DIRAS2: variants seen among roughly 807,000 people sequenced by gnomAD.
DIRAS2 encodes GTP-binding protein Di-Ras2.
A neutral mutation model predicts 13.9 loss-of-function variants in DIRAS2; 5 were observed. The ratio of observed to expected loss-of-function variants is 0.36; its 90% confidence interval spans 0.19 to 0.76. The LOEUF (loss-of-function observed/expected upper bound fraction) is 0.76. DIRAS2 is among the 30% of genes least tolerant of loss of function. The probability of loss-of-function intolerance (pLI) is 0.53; values close to 1 mark genes in which losing one functional copy is unlikely to be tolerated. For missense variants in DIRAS2, 191 were observed against 263.0 expected, an observed-to-expected ratio of 0.73 and a Z score of 1.89; for synonymous variants, 111 against 105.4, an observed-to-expected ratio of 1.05 and a Z score of -0.33.
chr9:90,613,496 A>T lies in DIRAS2; in HGVS notation c.332T>A (p.Val111Glu). The change falls in exon 2 of 2, where the codon GTG (valine) becomes GAG (glutamate). Residue 111 changes from valine to glutamate, a missense_variant. Val to Glu is a moderately radical substitution (Grantham distance 121). Transcript: ENST00000375765. This position sits in a 1 kb window ranked among gnomAD's most constrained non-coding sequence, Gnocchi z 5.6. ...CACCAGCATGATGGGGATGCTCTCCACGTCCCCTTTGATCTCGCAGATTTG... is the reference window on the plus strand; with the variant it reads ...CACCAGCATGATGGGGATGCTCTCCTCGTCCCCTTTGATCTCGCAGATTTG... ...YEQICEIKGD[V>E]ESIPIMLVGN... 1 of 1,613,820 alleles carries T rather than the reference A, an allele frequency of 6.2e-7. No individual in the cohort carries two copies. Among genetic ancestry groups the T allele is most frequent in the Non-Finnish European group, 8.5e-7 (1 of 1,179,956 alleles).
In DIRAS2 at chr9:90,642,756, G is replaced by A. The variant is rs897124651; in HGVS notation, c.-41C>T. The A allele has an allele frequency of 6.6e-6, 1 of 152,626 alleles. No individual in the cohort carries two copies. The highest frequency in any genetic ancestry group is 2.4e-5 in the African/African-American group (1 of 41,470). 9.5% of individuals were successfully genotyped at this position (152,626 alleles called of 1,614,324 possible). ...CAGAAGGGGGAAATCGGTTACCTGG[G>A]GAAGAACACAACTCCGCTCAGAGCT... On this transcript the variant is annotated 5_prime_UTR_variant, in exon 1 of 2. Coordinates refer to ENST00000375765, the MANE Select transcript of DIRAS2 (RefSeq NM_017594.5).
At chr9:90,637,227 A>T (rs1825379635) in intron 1 of DIRAS2, among the ~76,000 whole-genome samples, 1 of 152,222 alleles carries the variant, frequency 6.6e-6, no homozygotes, top group African/African-American at 2.4e-5. Context: ...GGAGCCATCT[A>T]CAGATTTGTT....
At chr9:90,639,183 C>G (rs564935328) in intron 1 of DIRAS2, among the ~76,000 whole-genome samples, 42 of 152,196 alleles carry the variant, frequency 2.8e-4, no homozygotes, top group Non-Finnish European at 5.4e-4. Context: ...GGAAATTGTA[C>G]CCACCCCACG....
intron 1 of DIRAS2, among the ~76,000 whole-genome samples, chr9:90,636,241 T>C (rs1400562447): frequency 6.6e-6 from 1 of 151,852 alleles, no homozygotes; most frequent in African/African-American, 2.4e-5. Context: ...GGTTTCACGG[T>C]GTTAGCCAGG....
At chr9:90,622,870 T>C (rs1337495829) in intron 1 of DIRAS2, among the ~76,000 whole-genome samples, 1 of 152,146 alleles carries the variant, frequency 6.6e-6, no homozygotes, top group East Asian at 1.9e-4. Flanking sequence ...AAAAACCCAA[T>C]TTTTCCCAAA....
intron 1 of DIRAS2, among the ~76,000 whole-genome samples, chr9:90,632,686 T>C (rs1414797022): frequency 6.6e-6 from 1 of 152,182 alleles, no homozygotes; most frequent in African/African-American, 2.4e-5. Flanking sequence ...GCCTGGCCCA[T>C]AAGAAGTGTG....
chr9:90,632,492 C>T (rs1207120589), intron 1 of DIRAS2, among the ~76,000 whole-genome samples: 1 of 152,238 alleles, frequency 6.6e-6, no homozygotes, highest in Admixed American at 6.5e-5. Flanking sequence ...CAATTTTCAA[C>T]CCTATCTTCA....
At chr9:90,632,146 CCA>C (rs1461513616) in intron 1 of DIRAS2, among the ~76,000 whole-genome samples, 4 of 152,204 alleles carry the variant, frequency 2.6e-5, no homozygotes, top group Admixed American at 6.5e-5. Context: ...CTGAGCCACT[CCA>C]GTCAATCCTC....
chr9:90,613,709 A>G lies in DIRAS2; in HGVS notation c.119T>C (p.Val40Ala). 6.2e-7 allele frequency: 1 copy of G among 1,614,016 alleles called. No homozygotes were observed. Among genetic ancestry groups the G allele is most frequent in the Non-Finnish European group, 8.5e-7 (1 of 1,180,020 alleles). ...GTFRESYIPT[V>A]EDTYRQVISC... ...GATCACTTGCCGGTAGGTGTCTTCC[A>G]CCGTCGGGATGTAGCTCTCCCGGAA... The change falls in exon 2 of 2, where the codon GTG becomes GCG. Residue 40 changes from valine to alanine, a missense_variant. Transcript: ENST00000375765. This position sits in a 1 kb window ranked among gnomAD's most constrained non-coding sequence, Gnocchi z 5.6.
At chr9:90,625,465 G>T (rs931046649) in intron 1 of DIRAS2, among the ~76,000 whole-genome samples, 1 of 152,130 alleles carries the variant, frequency 6.6e-6, no homozygotes, top group Non-Finnish European at 1.5e-5. Context: ...CTTATGTTTA[G>T]GTCATTGATC....
At chr9:90,615,468 A>G (rs895245900) in intron 1 of DIRAS2, among the ~76,000 whole-genome samples, 1 of 152,372 alleles carries the variant, frequency 6.6e-6, no homozygotes, top group Admixed American at 6.5e-5. Context: ...GAAGTTTATT[A>G]AATGCTTATG....
Position 90,613,474 on chromosome 9 carries a change from C to G in DIRAS2, c.354G>C (p.Leu118=). ...KGDVESIPIM[L]VGNKCDESPS... ...GGCTCTCATCACACTTGTTCCCCAC[C>G]AGCATGATGGGGATGCTCTCCACGT... Residue 118 remains leucine, a synonymous_variant, in exon 2 of 2, where the codon CTG becomes CTC. Transcript: ENST00000375765. The surrounding 1 kb of genome is among the most constrained non-coding windows in gnomAD (Gnocchi z 5.6). The G allele has an allele frequency of 6.2e-7, 1 of 1,614,034 alleles. No individual in the cohort carries two copies.
intron 1 of DIRAS2, among the ~76,000 whole-genome samples, chr9:90,621,456 C>T (rs1825218373): frequency 6.6e-6 from 1 of 152,094 alleles, no homozygotes; most frequent in Admixed American, 6.6e-5. Flanking sequence ...CAAATTAAAG[C>T]TGCCCAGACC....
chr9:90,613,850 C>G lies in DIRAS2; in HGVS notation c.-23G>C. On this transcript the variant is annotated 5_prime_UTR_variant, in exon 2 of 2. Transcript: ENST00000375765. The surrounding 1 kb of genome is among the most constrained non-coding windows in gnomAD (Gnocchi z 5.6). ...CATGTTGCTGGAGAGCTCCAACTCT[C>G]AGCCAGGACGCACCTAGCAAAGGAA... 4.4e-6 allele frequency: 7 copies of G among 1,594,354 alleles called. No individual in the cohort carries two copies. Among genetic ancestry groups the G allele is most frequent in the Non-Finnish European group, 6.0e-6 (7 of 1,168,418 alleles).
chr9:90,631,644 C>T (rs1825326096), intron 1 of DIRAS2, among the ~76,000 whole-genome samples: 1 of 152,130 alleles, frequency 6.6e-6, no homozygotes, highest in South Asian at 2.1e-4. Context: ...CCTATCTTTG[C>T]TACTCTTCCT....
intron 1 of DIRAS2, among the ~76,000 whole-genome samples, chr9:90,638,831 T>C (rs1825393949): frequency 6.6e-6 from 1 of 152,134 alleles, no homozygotes; most frequent in Non-Finnish European, 1.5e-5. Flanking sequence ...CTTTTCCTTT[T>C]TGTTCCGCAT....
intron 1 of DIRAS2, among the ~76,000 whole-genome samples, chr9:90,622,848 G>A (rs1825232162): frequency 6.6e-6 from 1 of 152,148 alleles, no homozygotes; most frequent in South Asian, 2.1e-4. Context: ...GCTGGGCGGG[G>A]AGAGACGGGA....
chr9:90,642,482 A>G (rs1825427229), intron 1 of DIRAS2, among the ~76,000 whole-genome samples: 1 of 152,184 alleles, frequency 6.6e-6, no homozygotes, highest in Non-Finnish European at 1.5e-5. Context: ...AAAACGGTAA[A>G]TCCTGTTTTG....
At chr9:90,628,322 A>G (rs1825290972) in intron 1 of DIRAS2, among the ~76,000 whole-genome samples, 1 of 152,186 alleles carries the variant, frequency 6.6e-6, no homozygotes, top group Admixed American at 6.5e-5. Context: ...TTTTAACCTC[A>G]TTCATAAATT....
Sources: allele counts gnomAD v4.1 joint callset (sites outside exome capture counted in the v4.1 genomes callset), GRCh38; gene constraint gnomAD v4.1.1; non-coding constraint Gnocchi (gnomAD v3.1); transcripts MANE v1.5; gene names NCBI Gene and HGNC (gene_info 2026-07-23, HGNC 2026-07-21).